PROCR: variants seen among roughly 807,000 people sequenced by gnomAD.
PROCR encodes the protein endothelial protein C receptor.
PROCR carries 22 observed loss-of-function variants against 24.2 expected under a neutral mutation model. The observed-to-expected ratio is 0.91, with a 90% confidence interval of 0.65 to 1.30. The LOEUF is 1.30. Ranked by LOEUF, PROCR falls within the 50% of genes most tolerant of loss-of-function variation. The probability of loss-of-function intolerance (pLI) is 0.00; values close to 1 mark genes in which losing one functional copy is unlikely to be tolerated. For synonymous variants in PROCR, 137 were observed against 139.2 expected (o/e 0.98, Z 0.11); for missense variants, 288 against 307.7 (o/e 0.94, Z 0.48).
At chr20:35,174,651 C>G in intron 1 of PROCR, 51 bp from the exon 2 acceptor site, 1 of 1,610,322 alleles carries the variant, frequency 6.2e-7, no homozygotes, top group Non-Finnish European at 8.5e-7. Context: ...TCTTCCGCTG[C>G]CCGCCGCCCC....
intron 1 of PROCR, among the ~76,000 whole-genome samples, chr20:35,190,195 A>T (rs2086161785): frequency 1.3e-5 from 2 of 152,188 alleles, no homozygotes; most frequent in Admixed American, 1.3e-4. Flanking sequence ...TTGTATGTGT[A>T]CTGGCATATA....
chr20:35,214,587 G>A (rs2060374188), intron 1 of PROCR, among the ~76,000 whole-genome samples: 1 of 151,592 alleles, frequency 6.6e-6, no homozygotes. Context: ...TACTCGGGAG[G>A]CTGAGGCAGG....
chr20:35,199,228 A>G (rs528102203), intron 1 of PROCR, among the ~76,000 whole-genome samples: 10 of 152,210 alleles, frequency 6.6e-5, no homozygotes, highest in Non-Finnish European at 1.2e-4. Context: ...GGATGACAGC[A>G]TATCTGTTCA....
At position 35,175,941 on chromosome 20, in the gene PROCR, C is replaced by A. The variant is rs370056598; in HGVS notation, c.323-227C>A. Among the ~76,000 whole-genome samples, 6 of 151,834 alleles carry A rather than the reference C, an allele frequency of 4.0e-5. 1 individual carries two copies. Among genetic ancestry groups the A allele is most frequent in the African/African-American group, 1.4e-4 (6 of 41,420 alleles). ...CAGTTGAACAAGGCCTGACAATTCC[C>A]TTTTTTCATCACAGTCCCTGGCCCC... On this transcript the variant is annotated intron_variant, in intron 2 of 3. Coordinates refer to ENST00000216968, the MANE Select transcript of PROCR (RefSeq NM_006404.5).
downstream of PROCR, among the ~76,000 whole-genome samples, chr20:35,180,338 G>C (rs978173282): frequency 1.3e-5 from 2 of 152,202 alleles, no homozygotes; most frequent in African/African-American, 2.4e-5. Flanking sequence ...GCTTGCTTCA[G>C]TTCTTTCAAT....
chr20:35,192,572 G>A (rs1276373968), intron 1 of PROCR, among the ~76,000 whole-genome samples: 1 of 152,090 alleles, frequency 6.6e-6, no homozygotes, highest in Non-Finnish European at 1.5e-5. Context: ...CCCTATCTTA[G>A]TGCACCTGAA....
chr20:35,173,945 G>T (rs1229721420), intron 1 of PROCR, among the ~76,000 whole-genome samples: 5 of 152,150 alleles, frequency 3.3e-5, no homozygotes, highest in African/African-American at 1.2e-4. Context: ...TGATCCTGTG[G>T]GGAGGCAGTG....
intron 1 of PROCR, among the ~76,000 whole-genome samples, chr20:35,194,013 G>A (rs917536679): frequency 6.6e-6 from 1 of 152,124 alleles, no homozygotes; most frequent in Non-Finnish European, 1.5e-5. Flanking sequence ...CTGAGAGAGT[G>A]GAATCTCAGA....
chr20:35,173,287 G>A (rs907948160), intron 1 of PROCR, among the ~76,000 whole-genome samples: 2 of 152,006 alleles, frequency 1.3e-5, no homozygotes, highest in African/African-American at 2.4e-5. Context: ...GTAGTATCCC[G>A]TGAGATACAC....
At chr20:35,200,837 G>A (rs767208843) in intron 1 of PROCR, among the ~76,000 whole-genome samples, 6 of 151,954 alleles carry the variant, frequency 3.9e-5, no homozygotes, top group Non-Finnish European at 7.4e-5. Context: ...TAGTAGAGAC[G>A]GGGTTTCACC....
intron 1 of PROCR, among the ~76,000 whole-genome samples, chr20:35,198,526 C>T (rs1380369891): frequency 1.3e-5 from 2 of 152,194 alleles, no homozygotes; most frequent in South Asian, 2.1e-4. Context: ...TAAGTTGGCT[C>T]CTGAGGTTTA....
In PROCR at chr20:35,174,772, C is replaced by T; in HGVS notation, c.141C>T (p.Asn47=). ...CCTATCACGTGTGGTACCAGGGCAA[C>T]GCGTCGCTGGGGGGACACCTAACGC... ...RDPYHVWYQG[N]ASLGGHLTHV... is the part of the protein sequence containing the mutation. The change falls in exon 2 of 4, where the codon AAC becomes AAT. Residue 47 remains asparagine, a synonymous_variant. Transcript: ENST00000216968. 2 of 1,614,100 alleles carry T rather than the reference C, an allele frequency of 1.2e-6. No individual in the cohort carries two copies. Among genetic ancestry groups the T allele is most frequent in the South Asian group, 2.2e-5 (2 of 91,082 alleles).
intron 1 of PROCR, among the ~76,000 whole-genome samples, chr20:35,187,110 G>A (rs1278784185): frequency 6.6e-6 from 1 of 152,154 alleles, no homozygotes; most frequent in Non-Finnish European, 1.5e-5. Context: ...GAGTGCAGTG[G>A]TGTGATCCCA....
chr20:35,207,392 G>GTGTA (rs1555791832), intron 1 of PROCR, among the ~76,000 whole-genome samples: 6,128 of 145,966 alleles, frequency 0.042, 179 homozygotes, highest in Admixed American at 0.086. Flanking sequence ...GTATGTTTGT[G>GTGTA]TATATATATA....
At chr20:35,175,462 CCTT>C (rs890030730) in intron 2 of PROCR, among the ~76,000 whole-genome samples, 5 of 151,668 alleles carry the variant, frequency 3.3e-5, no homozygotes, top group African/African-American at 9.7e-5. Flanking sequence ...AACCCTAACT[CCTT>C]CTTCTCAAAG....
At chr20:35,185,440 G>C (rs2086116497) in intron 1 of PROCR, among the ~76,000 whole-genome samples, 1 of 152,196 alleles carries the variant, frequency 6.6e-6, no homozygotes, top group Non-Finnish European at 1.5e-5. Context: ...GCACACGCAA[G>C]TTTATAGCAG....
At chr20:35,173,423 CTTTTTTTTTTTT>C (rs58785250) in intron 1 of PROCR, among the ~76,000 whole-genome samples, 2 of 88,154 alleles carry the variant, frequency 2.3e-5, no homozygotes, top group African/African-American at 4.0e-5. Flanking sequence ...TTTCTTTTTT[CTTTTTTTTTTTT>C]TTTTTTTTTT....
downstream of PROCR, among the ~76,000 whole-genome samples, chr20:35,180,253 AATAAATAAATAC>A (rs1001193869): frequency 2.7e-5 from 3 of 110,482 alleles, no homozygotes; most frequent in Admixed American, 8.2e-5. Context: ...ATCTCAAATA[AATAAATAAATAC>A]ATAAATAAGA....
At chr20:35,198,328 A>G (rs79156964) in intron 1 of PROCR, among the ~76,000 whole-genome samples, 4,608 of 152,154 alleles carry the variant, frequency 0.03, 236 homozygotes, top group African/African-American at 0.11. Context: ...CGGTGAACAC[A>G]TGAATGATAA....
Sources: gnomAD v4.1 joint callset for allele counts (sites outside exome capture counted in the v4.1 genomes callset) on GRCh38, gnomAD v4.1.1 for gene constraint, MANE v1.5 for transcripts, NCBI Gene and HGNC (gene_info 2026-07-23, HGNC 2026-07-21) for gene names.